The following TCAIM variants were observed in gnomAD, a reference collection of about 807,000 sequenced individuals.
TCAIM encodes the protein T cell activation inhibitor, mitochondrial.
In TCAIM, 36 loss-of-function variants were observed where a neutral mutation model predicts 58.6. That is an observed-to-expected ratio of 0.61 (90% CI 0.47 to 0.81). The LOEUF (loss-of-function observed/expected upper bound fraction) is 0.81. TCAIM is among the 30% of genes least tolerant of loss of function. TCAIM has a pLI of 0.00. For synonymous variants in TCAIM, 172 were observed against 193.6 expected, an observed-to-expected ratio of 0.89 and a Z score of 0.93; for missense variants, 466 against 579.6, an observed-to-expected ratio of 0.80 and a Z score of 2.01.
chr3:44,379,587 C>A (rs923389087), intron 5 of TCAIM, among the ~76,000 whole-genome samples: 1 of 152,160 alleles, frequency 6.6e-6, no homozygotes, highest in Non-Finnish European at 1.5e-5. Context: ...ATGGATGGAG[C>A]TGGAGGCCAT....
intron 2 of TCAIM, 33 bp from the exon 3 acceptor site, chr3:44,357,708 T>C (rs768626074): frequency 1.2e-6 from 2 of 1,610,648 alleles, no homozygotes; most frequent in Non-Finnish European, 1.7e-6. Context: ...TGTGAGTGCC[T>C]CAATGAATAA....
At chr3:44,358,815 A>G in intron 3 of TCAIM, 1 of 985,426 alleles carries the variant, frequency 1.0e-6, no homozygotes, top group Non-Finnish European at 1.2e-6. Flanking sequence ...ATGAAAAGGA[A>G]CTTGAAATCT....
chr3:44,344,817 ACAGT>A (rs1407203221), intron 1 of TCAIM, among the ~76,000 whole-genome samples: 10 of 152,180 alleles, frequency 6.6e-5, no homozygotes, highest in Admixed American at 2.6e-4. Context: ...GGGGAAGATT[ACAGT>A]CAAAGGGGAT....
At chr3:44,370,752 TTC>T (rs112949303) in intron 5 of TCAIM, among the ~76,000 whole-genome samples, 77,800 of 128,048 alleles carry the variant, frequency 0.61, 24,358 homozygotes, top group East Asian at 0.95. Flanking sequence ...CTTTCTTTCT[TTC>T]TTTTTTTTTG....
Position 44,367,606 on chromosome 3 carries a change from C to T in TCAIM, c.470C>T (p.Pro157Leu). 1 of 1,614,098 alleles carries T rather than the reference C, an allele frequency of 6.2e-7. No homozygotes were observed. The highest frequency in any genetic ancestry group is 1.1e-5 in the South Asian group (1 of 91,084). Reference sequence around the variant, plus strand: ...CCTCTCAAAGAAGCTAAAAGGATGCCTGACAGGCCCATCAAATGGGACAAG... The same window carrying T: ...CCTCTCAAAGAAGCTAAAAGGATGCTTGACAGGCCCATCAAATGGGACAAG... ...TQPLKEAKRM[P>L]DRPIKWDKSY... The change falls in exon 5 of 11, where the codon CCT becomes CTT. Residue 157 changes from proline to leucine, a missense_variant. Transcript: ENST00000342649.
Position 44,367,559 on chromosome 3 carries a change from G to C in TCAIM, c.423G>C (p.Leu141Phe), listed in dbSNP as rs768277565. The change falls in exon 5 of 11, where the codon TTG becomes TTC. Residue 141 changes from leucine to phenylalanine, a missense_variant. Physicochemically the swap from Leu to Phe is conservative, Grantham distance 22 (BLOSUM62 0). Transcript: ENST00000342649. ...CSLSVEHIQS[L>F]NTNMHTQPLK... is the part of the protein sequence containing the mutation. ...TATCTGTTGAACATATCCAAAGCTTGAATACTAATATGCATACCCAGCCTC... is the reference window on the plus strand; with the variant it reads ...TATCTGTTGAACATATCCAAAGCTTCAATACTAATATGCATACCCAGCCTC... 7 of 1,614,062 alleles carry C rather than the reference G, an allele frequency of 4.3e-6. No individual in the cohort carries two copies. Among genetic ancestry groups the C allele is most frequent in the Non-Finnish European group, 5.9e-6 (7 of 1,180,012 alleles).
chr3:44,406,120 G>A (rs951792227), intron 10 of TCAIM, among the ~76,000 whole-genome samples: 8 of 152,126 alleles, frequency 5.3e-5, no homozygotes, highest in Admixed American at 3.9e-4. Flanking sequence ...GAACTGATGG[G>A]TTCTCCTGAT....
intron 5 of TCAIM, among the ~76,000 whole-genome samples, chr3:44,377,510 A>G (rs1001781478): frequency 6.6e-6 from 1 of 152,242 alleles, no homozygotes; most frequent in African/African-American, 2.4e-5. Flanking sequence ...GCATAGCACA[A>G]TTAAGGAGCT....
intron 1 of TCAIM, among the ~76,000 whole-genome samples, chr3:44,348,488 T>A (rs1327119513): frequency 1.3e-5 from 2 of 152,186 alleles, no homozygotes; most frequent in Non-Finnish European, 2.9e-5. Flanking sequence ...TGAAGCAAGA[T>A]CCTGGGGGAG....
rs558096247 is a variant in TCAIM, at chr3:44,388,020, C to A, written c.573-4835C>A. 2.6e-3 allele frequency among the ~76,000 whole-genome samples: 399 copies of A among 151,352 alleles called. 1 individual carries two copies. Among genetic ancestry groups the A allele is most frequent in the Middle Eastern group, 0.017 (5 of 290 alleles). On this transcript the variant is annotated intron_variant, in intron 5 of 10. Transcript: ENST00000342649. Reference sequence around the variant, plus strand: ...TACCACATTTGCTTTATCATTCTCTCTATATATATATATTTAAATATTGAA... The same window carrying A: ...TACCACATTTGCTTTATCATTCTCTATATATATATATATTTAAATATTGAA...
chr3:44,361,071 G>A (rs1379538773), intron 3 of TCAIM, among the ~76,000 whole-genome samples: 1 of 152,128 alleles, frequency 6.6e-6, no homozygotes. Context: ...ATTACTTTGG[G>A]ATATTTAGTC....
intron 6 of TCAIM, among the ~76,000 whole-genome samples, chr3:44,394,471 T>A (rs1239340607): frequency 2.0e-5 from 3 of 152,194 alleles, no homozygotes; most frequent in Non-Finnish European, 4.4e-5. Context: ...ATAGAAATTT[T>A]AAAAGATCTG....
At chr3:44,355,131 T>C (rs1701166702) in intron 2 of TCAIM, among the ~76,000 whole-genome samples, 1 of 152,206 alleles carries the variant, frequency 6.6e-6, no homozygotes, top group Admixed American at 6.5e-5. Context: ...TTCTTTTCTT[T>C]AGAGTTTAAA....
At chr3:44,347,992 C>CTA (rs1701004421) in intron 1 of TCAIM, among the ~76,000 whole-genome samples, 1 of 152,084 alleles carries the variant, frequency 6.6e-6, no homozygotes, top group Non-Finnish European at 1.5e-5. Flanking sequence ...GTTAAAATGC[C>CTA]TCAACCTAAT....
intron 5 of TCAIM, among the ~76,000 whole-genome samples, chr3:44,377,278 G>A (rs1701581187): frequency 6.6e-6 from 1 of 151,972 alleles, no homozygotes; most frequent in African/African-American, 2.4e-5. Flanking sequence ...CAAGAGAAAA[G>A]AAGATTATTA....
At chr3:44,346,836 C>T (rs1700981040) in intron 1 of TCAIM, among the ~76,000 whole-genome samples, 2 of 152,152 alleles carry the variant, frequency 1.3e-5, no homozygotes, top group Admixed American at 1.3e-4. Flanking sequence ...ATTCTGACCA[C>T]AGAGCCCTGT....
At position 44,367,621 on chromosome 3, in the gene TCAIM, A is replaced by G. The variant is rs1701400938; in HGVS notation, c.485A>G (p.Lys162Arg). ...EAKRMPDRPI[K>R]WDKSYYSFTG... ...AAAAGGATGCCTGACAGGCCCATCA[A>G]ATGGGACAAGTCTTATTACTCCTTT... Residue 162 changes from lysine to arginine, a missense_variant, in exon 5 of 11, where the codon AAA becomes AGA. By Grantham distance (26) the Lys-to-Arg change is conservative. Transcript: ENST00000342649. The G allele has an allele frequency of 6.2e-7, 1 of 1,614,146 alleles. No homozygotes were observed. The highest frequency in any genetic ancestry group is 8.5e-7 in the Non-Finnish European group (1 of 1,180,010).
chr3:44,365,453 C>G (rs1023046923), intron 4 of TCAIM, among the ~76,000 whole-genome samples: 3 of 152,008 alleles, frequency 2.0e-5, no homozygotes, highest in African/African-American at 7.3e-5. Context: ...CTCAGCCTCC[C>G]GAGTAGCTGG....
intron 6 of TCAIM, among the ~76,000 whole-genome samples, chr3:44,394,044 T>TGTTTAGACTTCAA (rs1701883540): frequency 6.6e-6 from 1 of 152,240 alleles, no homozygotes; most frequent in Admixed American, 6.5e-5. Context: ...CCAGTCTTCA[T>TGTTTAGACTTCAA]GTTTAAACAT....
Sources: allele counts gnomAD v4.1 joint callset (sites outside exome capture counted in the v4.1 genomes callset), GRCh38; gene constraint gnomAD v4.1.1; transcripts MANE v1.5; gene names NCBI Gene and HGNC (gene_info 2026-07-23, HGNC 2026-07-21).